The following MACROH2A1 variants were observed in gnomAD, a reference collection of about 807,000 sequenced individuals.
MACROH2A1 encodes the protein macroH2A.1 histone, also known as core histone macro-H2A.1.
MACROH2A1 carries 2 observed loss-of-function variants against 31.6 expected under a neutral mutation model. The observed-to-expected ratio is 0.06, with a 90% CI of 0.03 to 0.20. The LOEUF (loss-of-function observed/expected upper bound fraction) is 0.20. MACROH2A1 is among the 10% of genes least tolerant of loss of function. The pLI is 1.00. For missense variants in MACROH2A1, 230 were observed against 474.0 expected, an observed-to-expected ratio of 0.49 and a Z score of 4.78; for synonymous variants, 169 against 189.6, an observed-to-expected ratio of 0.89 and a Z score of 0.89.
intron 8 of MACROH2A1, chr5:135,337,792 G>A (rs946160554): frequency 1.4e-5 from 3 of 214,606 alleles, no homozygotes; most frequent in African/African-American, 4.7e-5. Context: ...CCTGCCTACC[G>A]TCCCGTTAAT....
At chr5:135,393,489 T>TG (rs753878472) in intron 1 of MACROH2A1, among the ~76,000 whole-genome samples, 6 of 152,216 alleles carry the variant, frequency 3.9e-5, no homozygotes, top group Non-Finnish European at 5.9e-5. Context: ...GTTTGACCCA[T>TG]GTTCTGCATC....
intron 4 of MACROH2A1, among the ~76,000 whole-genome samples, chr5:135,368,018 T>C (rs1279886349): frequency 6.6e-6 from 1 of 152,200 alleles, no homozygotes; most frequent in African/African-American, 2.4e-5. Flanking sequence ...GTGAGCTAGA[T>C]GGAATGCAAG....
intron 4 of MACROH2A1, among the ~76,000 whole-genome samples, chr5:135,365,924 C>T (rs546623677): frequency 4.6e-5 from 7 of 152,352 alleles, no homozygotes; most frequent in East Asian, 1.9e-4. Context: ...ACCCAAATCT[C>T]ACCTCAAATT....
rs1256951785 is a variant in MACROH2A1, at chr5:135,369,349, C to G, written c.477+57G>C. 7.0e-7 allele frequency: 1 copy of G among 1,421,146 alleles called. No homozygotes were observed. Among genetic ancestry groups the G allele is most frequent in the Non-Finnish European group, 9.9e-7 (1 of 1,005,862 alleles). The allele number at this position is 1,421,146 out of a possible 1,614,324, so 88.0% of individuals were successfully genotyped here. A position where few individuals can be genotyped will look rare whatever the true frequency, so the allele number is the denominator to read the frequency against. On this transcript the variant is annotated intron_variant, in intron 4 of 8. Coordinates refer to ENST00000511689, the MANE Select transcript of MACROH2A1 (RefSeq NM_138610.3). The surrounding 1 kb of genome is among the most constrained non-coding windows in gnomAD (Gnocchi z 4.3). ...GGAATGAGGGGGGTGCCCTGGTAAC[C>G]CTGTTTATCCGTACCCCATCCTATC...
chr5:135,341,585 C>T (rs957105563), intron 8 of MACROH2A1, among the ~76,000 whole-genome samples: 2 of 152,186 alleles, frequency 1.3e-5, no homozygotes, highest in Non-Finnish European at 2.9e-5. Flanking sequence ...GGTGGCAGTG[C>T]CCATCTGCCT....
At chr5:135,374,315 AG>A (rs1464790147) in intron 2 of MACROH2A1, among the ~76,000 whole-genome samples, 1 of 152,134 alleles carries the variant, frequency 6.6e-6, no homozygotes, top group Non-Finnish European at 1.5e-5. Flanking sequence ...GTTCCTATTC[AG>A]GGGGGAGCGG....
rs1768464251 is a variant in MACROH2A1, at chr5:135,398,963, A to C, written c.-34+99T>G. The C allele has an allele frequency of 6.8e-6, 1 of 147,416 alleles. No homozygotes were observed. The allele number at this position is 147,416 out of a possible 1,614,324, so 9.1% of individuals were successfully genotyped here. A position where few individuals can be genotyped will look rare whatever the true frequency, so the allele number is the denominator to read the frequency against. ...CGGCGGCCCGAGCCCGGCCCGCACC[A>C]CACCGGTGCGCGCCAGGCCGGGCCG... On this transcript the variant is annotated intron_variant, in intron 1 of 8. Transcript: ENST00000511689. This position sits in a 1 kb window ranked among gnomAD's most constrained non-coding sequence, Gnocchi z 4.6.
Position 135,334,912 on chromosome 5 carries a change from A to ATTTTTT in MACROH2A1, c.*58_*63dup. ...CCACCTCCCAGTAGGAGTGAAGGGG[A>ATTTTTT]TTTTTTTTTTCTTTTAAACTGAAGG... On this transcript the variant is annotated 3_prime_UTR_variant, in exon 9 of 9. Coordinates refer to ENST00000511689, the MANE Select transcript of MACROH2A1 (RefSeq NM_138610.3). The ATTTTTT allele has an allele frequency of 2.3e-6, 3 of 1,322,028 alleles. No homozygotes were observed. Among genetic ancestry groups the ATTTTTT allele is most frequent in the Admixed American group, 4.0e-5 (2 of 49,744 alleles). 81.9% of individuals were successfully genotyped at this position (1,322,028 alleles called of 1,614,324 possible).
intron 4 of MACROH2A1, among the ~76,000 whole-genome samples, chr5:135,364,329 T>A (rs1410465373): frequency 6.6e-6 from 1 of 152,130 alleles, no homozygotes; most frequent in Non-Finnish European, 1.5e-5. Context: ...ACATGGCACA[T>A]GTATACATAC....
At chr5:135,344,531 C>A (rs377652261) in intron 7 of MACROH2A1, 1 of 152,140 alleles carries the variant, frequency 6.6e-6, no homozygotes, top group African/African-American at 2.4e-5. Context: ...TGCTTTGTGA[C>A]TGGGCTTGAG....
intron 8 of MACROH2A1, among the ~76,000 whole-genome samples, chr5:135,336,533 C>T (rs921166420): frequency 4.5e-4 from 43 of 94,556 alleles, no homozygotes; most frequent in African/African-American, 3.0e-3. Context: ...GAGCAGCCAG[C>T]GCATACAACT....
intron 8 of MACROH2A1, chr5:135,337,881 ATT>A (rs1378902375): frequency 2.0e-6 from 2 of 987,264 alleles, no homozygotes; most frequent in Middle Eastern, 2.8e-4. Context: ...ATGAATCTGG[ATT>A]TGTTTCCAGG....
At chr5:135,378,573 G>A (rs967288742) in intron 2 of MACROH2A1, among the ~76,000 whole-genome samples, 14 of 152,288 alleles carry the variant, frequency 9.2e-5, no homozygotes, top group African/African-American at 2.4e-4. Flanking sequence ...TGAGGTGTAC[G>A]GTGGCTGCTT....
chr5:135,368,313 C>G (rs1309807663), intron 4 of MACROH2A1, among the ~76,000 whole-genome samples: 1 of 152,250 alleles, frequency 6.6e-6, no homozygotes, highest in Non-Finnish European at 1.5e-5. Flanking sequence ...AGGAGGAGCT[C>G]TGTTCACCTG....
chr5:135,383,747 T>TGTG (rs1766012244), intron 2 of MACROH2A1, among the ~76,000 whole-genome samples: 1 of 103,566 alleles, frequency 9.7e-6, no homozygotes, highest in Non-Finnish European at 2.2e-5. Flanking sequence ...GTGTGTGTGT[T>TGTG]TTAATTTTAG....
rs1422222948 is a variant in MACROH2A1, at chr5:135,360,403, G to T, written c.588+94C>A. The T allele has an allele frequency of 8.4e-6, 7 of 835,618 alleles. No individual in the cohort carries two copies. In the East Asian group the frequency reaches 1.7e-4, roughly 21 times the overall value. The allele number at this position is 835,618 out of a possible 1,614,324, so 51.8% of individuals were successfully genotyped here. ...CTGTCTACCCACGAGGCTGGGAGTG[G>T]CCCCCGGGATCCCCCCAGCCTTCCA... On this transcript the variant is annotated intron_variant, in intron 5 of 8. Transcript: ENST00000511689.
intron 1 of MACROH2A1, among the ~76,000 whole-genome samples, chr5:135,390,287 C>T (rs1767036333): frequency 6.6e-6 from 1 of 152,324 alleles, no homozygotes; most frequent in South Asian, 2.1e-4. Flanking sequence ...CATTGATGCA[C>T]GTGTGCCCAT....
intron 6 of MACROH2A1, among the ~76,000 whole-genome samples, chr5:135,350,136 T>C (rs1761338271): frequency 6.6e-6 from 1 of 152,180 alleles, no homozygotes; most frequent in Admixed American, 6.5e-5. Context: ...TTGGCCACCC[T>C]CAGCTATTTA....
chr5:135,350,409 G>T (rs987751039), intron 6 of MACROH2A1, among the ~76,000 whole-genome samples: 2 of 152,060 alleles, frequency 1.3e-5, no homozygotes, highest in Non-Finnish European at 2.9e-5. Context: ...TCAGGGGAGT[G>T]GGGGTGGTGA....
Sources: gnomAD v4.1 joint callset for allele counts (sites outside exome capture counted in the v4.1 genomes callset) on GRCh38, gnomAD v4.1.1 for gene constraint, Gnocchi (gnomAD v3.1) non-coding constraint, MANE v1.5 for transcripts, NCBI Gene and HGNC (gene_info 2026-07-23, HGNC 2026-07-21) for gene names.